The following ASTN2 variants were observed in gnomAD, a reference collection of about 807,000 sequenced individuals.
ASTN2 encodes the protein astrotactin 2, also known as astrotactin-2.
ASTN2 carries 54 observed loss-of-function variants against 139.8 expected under a neutral mutation model. The ratio of observed to expected loss-of-function variants is 0.39; its 90% CI spans 0.31 to 0.48. The LOEUF (loss-of-function observed/expected upper bound fraction) is 0.48. Ranked by LOEUF, ASTN2 falls within the 20% of genes least tolerant of loss-of-function variation. ASTN2 has a pLI of 0.95. For missense variants in ASTN2, 1,565 were observed against 1,725.1 expected, an observed-to-expected ratio of 0.91 and a Z score of 1.64; for synonymous variants, 756 against 719.5, an observed-to-expected ratio of 1.05 and a Z score of -0.81.
At chr9:117,081,229 C>T (rs1828419049) in intron 5 of ASTN2, among the ~76,000 whole-genome samples, 1 of 152,226 alleles carries the variant, frequency 6.6e-6, no homozygotes, top group African/African-American at 2.4e-5. Flanking sequence ...TGCAGTCTCT[C>T]AGCTGTTCTC....
chr9:116,445,925 G>A (rs999770206), intron 20 of ASTN2, among the ~76,000 whole-genome samples: 6 of 152,194 alleles, frequency 3.9e-5, no homozygotes, highest in Admixed American at 6.5e-5. Flanking sequence ...GAAAGAGGAA[G>A]ACGTCAACCT....
At chr9:116,882,293 G>C (rs1448686771) in intron 10 of ASTN2, among the ~76,000 whole-genome samples, 6 of 152,210 alleles carry the variant, frequency 3.9e-5, no homozygotes, top group Non-Finnish European at 8.8e-5. Flanking sequence ...GTTACTTCCA[G>C]TTTGAGTTCA....
intron 12 of ASTN2, 128 bp downstream of exon 12, chr9:116,820,489 G>C: frequency 8.0e-7 from 1 of 1,246,694 alleles, no homozygotes; most frequent in East Asian, 2.5e-5. Context: ...ACTAAAACAG[G>C]AAAGGCAGAA....
intron 2 of ASTN2, among the ~76,000 whole-genome samples, chr9:117,250,090 G>A (rs1289902528): frequency 2.0e-5 from 3 of 152,144 alleles, no homozygotes; most frequent in Non-Finnish European, 4.4e-5. Flanking sequence ...CTTAATCCAG[G>A]TGGAATCAGA....
chr9:116,673,083 T>C (rs1859295152), intron 16 of ASTN2, among the ~76,000 whole-genome samples: 1 of 152,194 alleles, frequency 6.6e-6, no homozygotes, highest in Non-Finnish European at 1.5e-5. Context: ...CTTCATAACT[T>C]TACTTCATCC....
rs1857928005 is a variant in ASTN2 at position 116,651,752 on chromosome 9, G to A, written c.2848C>T (p.Pro950Ser). 1 of 1,614,150 alleles carries A rather than the reference G, an allele frequency of 6.2e-7. No homozygotes were observed. The highest frequency in any genetic ancestry group is 8.5e-7 in the Non-Finnish European group (1 of 1,180,024). Residue 950 changes from proline (P) to serine (S), a missense_variant, in exon 17 of 23, where the codon CCC becomes TCC. This residue lies in a region of ASTN2 where 48 missense variants were observed against 90.7 expected (regional missense o/e 0.53). Transcript: ENST00000313400. ...LGSKKELKSM[P>S]FITYLSGLLT... ...AAACCTGAGAGGTAGGTGATGAAGG[G>A]CATGGACTTGAGCTCCTTCTTGCTG...
chr9:116,897,040 A>T (rs1368232178), intron 10 of ASTN2, among the ~76,000 whole-genome samples: 2 of 152,162 alleles, frequency 1.3e-5, no homozygotes, highest in African/African-American at 4.8e-5. Context: ...GGGGCAAGAA[A>T]TGTGGCATAT....
At chr9:116,976,619 T>G in intron 8 of ASTN2, 82 bp downstream of exon 8, 8 of 1,222,508 alleles carry the variant, frequency 6.5e-6, no homozygotes, top group Non-Finnish European at 8.2e-6. Context: ...TTTGTGGAGA[T>G]GCTTGGGGCC....
chr9:116,806,842 A>G (rs562884879), intron 12 of ASTN2, among the ~76,000 whole-genome samples: 1 of 152,358 alleles, frequency 6.6e-6, no homozygotes, highest in Admixed American at 6.5e-5. Flanking sequence ...TAATAGTGGT[A>G]GTAATGGTGT....
chr9:116,877,766 T>A (rs1298875373), intron 10 of ASTN2, among the ~76,000 whole-genome samples: 1 of 151,822 alleles, frequency 6.6e-6, no homozygotes, highest in Non-Finnish European at 1.5e-5. Context: ...ATGGAGTCCA[T>A]CATTCCTCTG....
chr9:116,798,158 C>T (rs1830750357), intron 13 of ASTN2, among the ~76,000 whole-genome samples: 1 of 152,196 alleles, frequency 6.6e-6, no homozygotes, highest in African/African-American at 2.4e-5. Context: ...GTAATCCCAG[C>T]TACTCTGGAG....
chr9:116,591,417 C>G (rs565322337), intron 19 of ASTN2, among the ~76,000 whole-genome samples: 1 of 152,372 alleles, frequency 6.6e-6, no homozygotes, highest in South Asian at 2.1e-4. Flanking sequence ...CCCCTCACCA[C>G]TCCATGGCTG....
At chr9:117,144,297 C>A (rs1014584955) in intron 3 of ASTN2, among the ~76,000 whole-genome samples, 2 of 152,116 alleles carry the variant, frequency 1.3e-5, no homozygotes, top group Admixed American at 1.3e-4. Context: ...GGCACCCAGT[C>A]TACAGGTTAA....
chr9:116,564,423 C>T (rs1172908083), intron 19 of ASTN2, among the ~76,000 whole-genome samples: 2 of 152,196 alleles, frequency 1.3e-5, no homozygotes, highest in Non-Finnish European at 2.9e-5. Context: ...ACATCTCATT[C>T]ATTCTCTAAT....
intron 4 of ASTN2, among the ~76,000 whole-genome samples, chr9:117,119,398 G>A (rs1453331331): frequency 6.6e-6 from 1 of 152,204 alleles, no homozygotes; most frequent in Non-Finnish European, 1.5e-5. Context: ...GAATGCCCAA[G>A]CTTCCTGTAG....
At chr9:116,926,661 A>G (rs1397239767) in intron 10 of ASTN2, among the ~76,000 whole-genome samples, 1 of 152,204 alleles carries the variant, frequency 6.6e-6, no homozygotes, top group Non-Finnish European at 1.5e-5. Context: ...TGGACCTTAT[A>G]TACTTTGCTT....
chr9:117,183,045 C>A (rs1264539832), intron 3 of ASTN2, among the ~76,000 whole-genome samples: 1 of 152,236 alleles, frequency 6.6e-6, no homozygotes, highest in Non-Finnish European at 1.5e-5. Context: ...CTTAAATCTT[C>A]CTTCCTCAGA....
chr9:116,975,388 G>A, intron 9 of ASTN2, 43 bp from the exon 10 acceptor site: 1 of 1,534,754 alleles, frequency 6.5e-7, no homozygotes, highest in Non-Finnish European at 8.8e-7. Flanking sequence ...CTGGGAAGCA[G>A]AGAGCAAACA....
intron 19 of ASTN2, among the ~76,000 whole-genome samples, chr9:116,597,454 G>T (rs548514617): frequency 6.6e-5 from 10 of 151,616 alleles, no homozygotes; most frequent in Admixed American, 1.3e-4. Flanking sequence ...CACCATGCCC[G>T]GCTAATTTTT....
Sources: allele counts gnomAD v4.1 joint callset (sites outside exome capture counted in the v4.1 genomes callset), GRCh38; gene constraint gnomAD v4.1.1; regional missense constraint gnomAD v4.1.1; transcripts MANE v1.5; gene names NCBI Gene and HGNC (gene_info 2026-07-23, HGNC 2026-07-21).